Variants in IQSEC1 observed in about 807,000 individuals in gnomAD.
The protein encoded by IQSEC1 is IQ motif and SEC7 domain-containing protein 1.
IQSEC1 carries 31 observed loss-of-function variants against 91.0 expected under a neutral mutation model. That is an observed-to-expected ratio of 0.34 (90% CI 0.26 to 0.46). The LOEUF is 0.46. Among genes scored for constraint, IQSEC1 ranks in the 20% least tolerant of loss-of-function variants. IQSEC1 has a pLI of 1.00. For missense variants in IQSEC1, 1,388 were observed against 1,575.6 expected (o/e 0.88, Z 2.02); for synonymous variants, 699 against 662.6 (o/e 1.05, Z -0.84).
At chr3:13,106,340 T>C (rs888542310) in intron 2 of IQSEC1, among the ~76,000 whole-genome samples, 1 of 152,280 alleles carries the variant, frequency 6.6e-6, no homozygotes, top group South Asian at 2.1e-4. Context: ...GCTTGGCAGC[T>C]CCTTGGGACC....
intron 2 of IQSEC1, 68 bp downstream of exon 2, chr3:12,941,503 G>A: frequency 2.1e-6 from 3 of 1,399,022 alleles, no homozygotes; most frequent in Non-Finnish European, 2.9e-6. Flanking sequence ...ATGCCTGGTG[G>A]GGGCACACAT....
At chr3:13,091,194 C>T (rs62232949) in intron 2 of IQSEC1, among the ~76,000 whole-genome samples, 17,619 of 152,200 alleles carry the variant, frequency 0.12, 1,068 homozygotes, top group Middle Eastern at 0.21. Flanking sequence ...CGCCATCGCT[C>T]ACTCAGGTGC....
chr3:12,938,656 AG>A (rs1698458077), intron 2 of IQSEC1, among the ~76,000 whole-genome samples: 1 of 152,166 alleles, frequency 6.6e-6, no homozygotes, highest in Non-Finnish European at 1.5e-5. Context: ...AAGAGGCCCA[AG>A]GCTGGGATCT....
intron 1 of IQSEC1, among the ~76,000 whole-genome samples, chr3:13,016,419 T>C (rs545590146): frequency 7.2e-5 from 11 of 152,218 alleles, no homozygotes; most frequent in African/African-American, 2.6e-4. Context: ...CTCTCCACAG[T>C]CTCATTTCCT....
At chr3:12,973,033 A>G (rs1700981216) in intron 1 of IQSEC1, among the ~76,000 whole-genome samples, 1 of 152,230 alleles carries the variant, frequency 6.6e-6, no homozygotes, top group Non-Finnish European at 1.5e-5. Context: ...TTTTCCACAG[A>G]AACCACTTGT....
intron 2 of IQSEC1, among the ~76,000 whole-genome samples, chr3:13,121,086 G>A (rs567039718): frequency 6.6e-6 from 1 of 152,174 alleles, no homozygotes; most frequent in Non-Finnish European, 1.5e-5. Flanking sequence ...GGTCGGCATC[G>A]TCCTCGGCCC....
At chr3:12,950,294 A>T (rs990404904) in intron 1 of IQSEC1, among the ~76,000 whole-genome samples, 5 of 152,208 alleles carry the variant, frequency 3.3e-5, no homozygotes, top group African/African-American at 9.7e-5. Context: ...GCAGTCCCCA[A>T]GAGTTAGCCT....
chr3:13,079,733 A>G (rs1184774961), intron 2 of IQSEC1, among the ~76,000 whole-genome samples: 1 of 152,226 alleles, frequency 6.6e-6, no homozygotes, highest in Non-Finnish European at 1.5e-5. Flanking sequence ...ATTTTACATG[A>G]GCCAGTTTGA....
intron 1 of IQSEC1, among the ~76,000 whole-genome samples, chr3:13,223,598 A>C (rs1477119110): frequency 6.6e-6 from 1 of 152,198 alleles, no homozygotes; most frequent in Non-Finnish European, 1.5e-5. Context: ...CTGGCCTCCC[A>C]GGTCCTCGCG....
chr3:12,936,179 C>T lies in IQSEC1; in HGVS notation c.837G>A (p.Leu279=). Residue 279 remains leucine, a synonymous_variant, in exon 3 of 14, where the codon CTG becomes CTA. Transcript: ENST00000613206. The part of the protein sequence containing the change: ...TALHGMDHRK[L]DEMTASYSDV... ...CACTGTACGAGGCCGTCATCTCGTC[C>T]AGTTTGCGGTGGTCCATGCCGTGCA... is the stretch of plus-strand genomic sequence containing the variant. 1 of 1,612,970 alleles carries T rather than the reference C, an allele frequency of 6.2e-7. No individual in the cohort carries two copies. The highest frequency in any genetic ancestry group is 8.5e-7 in the Non-Finnish European group (1 of 1,179,964).
chr3:13,275,628 G>C (rs1695664190), intron 1 of IQSEC1, among the ~76,000 whole-genome samples: 1 of 152,232 alleles, frequency 6.6e-6, no homozygotes, highest in Non-Finnish European at 1.5e-5. Context: ...GGAAGCCTCT[G>C]CTGACACCCG....
rs142235321 is a variant in IQSEC1, at chr3:13,050,256, C to T, written c.23+22736G>A. Among the ~76,000 whole-genome samples, 23 of 152,214 alleles carry T rather than the reference C, an allele frequency of 1.5e-4. No homozygotes were observed. In the East Asian group the frequency reaches 4.2e-3, roughly 28 times the overall value. ...AAGACTGAGGCCTTGTTCTCCCTGC[C>T]GTCCTTTTTCATCACTCAGCACAGC... On this transcript the variant is annotated intron_variant, in intron 1 of 13. Coordinates refer to ENST00000613206, the MANE Select transcript of IQSEC1 (RefSeq NM_001134382.3).
chr3:13,171,913 T>A (rs977500360), intron 1 of IQSEC1, among the ~76,000 whole-genome samples: 2 of 151,880 alleles, frequency 1.3e-5, no homozygotes, highest in Non-Finnish European at 2.9e-5. Flanking sequence ...GGGGTGGCAA[T>A]CCGAGAGGCT....
chr3:12,986,301 C>G (rs1222054654), intron 1 of IQSEC1, among the ~76,000 whole-genome samples: 1 of 152,168 alleles, frequency 6.6e-6, no homozygotes, highest in Non-Finnish European at 1.5e-5. Flanking sequence ...TCCCTGGAGC[C>G]CCAGGTAACA....
rs557173162 is a variant in IQSEC1 at position 12,897,732 on chromosome 3, G to A, written c.*3251C>T. The A allele has an allele frequency of 4.1e-4, 63 of 152,316 alleles. 1 individual carries two copies. The highest frequency in any genetic ancestry group is 1.5e-3 in the African/African-American group (61 of 41,552). The allele number at this position is 152,316 out of a possible 1,614,324, so 9.4% of individuals were successfully genotyped here. ...TACCTGCGGGCACAGAGCTTCCCGT[G>A]GCGCTGAGTCAACACCCAGCATCAG... On this transcript the variant is annotated 3_prime_UTR_variant, in exon 14 of 14. Transcript: ENST00000613206.
intron 2 of IQSEC1, among the ~76,000 whole-genome samples, chr3:13,145,331 C>T (rs1706871422): frequency 6.6e-6 from 1 of 152,188 alleles, no homozygotes; most frequent in Admixed American, 6.5e-5. Flanking sequence ...GGCCACCCAG[C>T]TGTCTACTCC....
intron 1 of IQSEC1, among the ~76,000 whole-genome samples, chr3:12,950,082 G>A (rs979767202): frequency 2.0e-5 from 3 of 152,234 alleles, no homozygotes; most frequent in African/African-American, 7.2e-5. Context: ...GGGGAGCCCA[G>A]CACAAGCTAA....
rs143619085 is a variant in IQSEC1 at position 12,971,272 on chromosome 3, G to A, written c.24-29407C>T. ...AGAGCAGAATCCAAACATGGGGGAAGACAGTGACTGAAATGATAGGGCTGG... is the reference window on the plus strand; with the variant it reads ...AGAGCAGAATCCAAACATGGGGGAAAACAGTGACTGAAATGATAGGGCTGG... On this transcript the variant is annotated intron_variant, in intron 1 of 13. Coordinates refer to ENST00000613206, the MANE Select transcript of IQSEC1 (RefSeq NM_001134382.3). Among the ~76,000 whole-genome samples the A allele has an allele frequency of 2.6e-5, 4 of 152,338 alleles. No homozygotes were observed. The East Asian group carries it at 7.7e-4, about 29-fold the overall frequency.
intron 1 of IQSEC1, among the ~76,000 whole-genome samples, chr3:13,013,103 G>A (rs1207788064): frequency 2.6e-5 from 4 of 151,936 alleles, no homozygotes; most frequent in African/African-American, 7.3e-5. Context: ...TGGGATTACC[G>A]GCATGCGCCA....
Sources: gnomAD v4.1 joint callset for allele counts (sites outside exome capture counted in the v4.1 genomes callset) on GRCh38, gnomAD v4.1.1 for gene constraint, MANE v1.5 for transcripts, NCBI Gene and HGNC (gene_info 2026-07-23, HGNC 2026-07-21) for gene names.